Variants in DNAH8 observed in about 807,000 individuals in gnomAD.
DNAH8 encodes the protein dynein axonemal heavy chain 8.
In DNAH8, 382 loss-of-function variants were observed where a neutral mutation model predicts 562.1. The observed-to-expected ratio is 0.68, with a 90% confidence interval of 0.63 to 0.74. The LOEUF (loss-of-function observed/expected upper bound fraction) is 0.74. Ranked by LOEUF, DNAH8 falls within the 30% of genes least tolerant of loss-of-function variation. DNAH8 has a pLI of 0.00. For synonymous variants in DNAH8, 1,881 were observed against 1,919.4 expected, an observed-to-expected ratio of 0.98 and a Z score of 0.52; for missense variants, 5,203 against 5,620.4, an observed-to-expected ratio of 0.93 and a Z score of 2.37.
At chr6:38,846,618 T>A (rs1775319111) in intron 36 of DNAH8, among the ~76,000 whole-genome samples, 1 of 152,180 alleles carries the variant, frequency 6.6e-6, no homozygotes, top group Admixed American at 6.5e-5. Flanking sequence ...GTCAAGGTCC[T>A]CGGATGCATC....
Position 38,750,494 on chromosome 6 carries a change from G to A in DNAH8, c.1312G>A (p.Ala438Thr). The A allele has an allele frequency of 6.2e-7, 1 of 1,609,722 alleles. No individual in the cohort carries two copies. The highest frequency in any genetic ancestry group is 8.5e-7 in the Non-Finnish European group (1 of 1,177,740). Residue 438 changes from alanine (A) to threonine (T), a missense_variant, in exon 9 of 93, where the codon GCA (alanine) becomes ACA (threonine). Ala to Thr is a moderately conservative substitution (Grantham distance 58, BLOSUM62 0). Transcript: ENST00000327475. ...KLLKNWRDLD[A>T]RITDTANESK... Reference sequence around the variant, plus strand: ...TTCTTAGAATTGGCGTGATTTGGATGCAAGAATCACTGATACAGCAAATGA... The same window carrying A: ...TTCTTAGAATTGGCGTGATTTGGATACAAGAATCACTGATACAGCAAATGA...
At chr6:38,779,150 G>A (rs1047735663) in intron 14 of DNAH8, among the ~76,000 whole-genome samples, 1 of 152,170 alleles carries the variant, frequency 6.6e-6, no homozygotes, top group Non-Finnish European at 1.5e-5. Flanking sequence ...CACAGGGAGG[G>A]CTCAAGACCT....
Position 38,868,121 on chromosome 6 carries a change from A to G in DNAH8, c.6753A>G (p.Gln2251=), listed in dbSNP as rs147059338. 8.1e-6 allele frequency: 13 copies of G among 1,613,854 alleles called. No homozygotes were observed. The African/African-American group carries it at 1.7e-4, about 22-fold the overall frequency. The change falls in exon 48 of 93, where the codon CAA becomes CAG. Residue 2251 remains glutamine (Q), a synonymous_variant. Coordinates refer to ENST00000327475, the MANE Select transcript of DNAH8 (RefSeq NM_001206927.2). The part of the protein sequence containing the change: ...ILSVLRTLGS[Q]KRARPEDSEL... ...CTGTATTGAGGACTCTTGGATCTCAAAAAAGAGCCAGACCAGAAGATAGTG... is the reference window on the plus strand; with the variant it reads ...CTGTATTGAGGACTCTTGGATCTCAGAAAAGAGCCAGACCAGAAGATAGTG...
chr6:38,937,918 C>G, intron 77 of DNAH8, 56 bp from the exon 78 acceptor site: 1 of 1,557,880 alleles, frequency 6.4e-7, no homozygotes, highest in Non-Finnish European at 8.7e-7. Context: ...AGAGATGTAT[C>G]TTGCTTTGCA....
chr6:39,013,535 TAGA>T lies in DNAH8; in HGVS notation c.13714+901_13714+903del, dbSNP rs1267273891. Among the ~76,000 whole-genome samples the T allele has an allele frequency of 2.0e-5, 3 of 152,286 alleles. No individual in the cohort carries two copies. In the South Asian group the frequency reaches 6.2e-4, roughly 32 times the overall value. On this transcript the variant is annotated intron_variant, in intron 91 of 92. Coordinates refer to ENST00000327475, the MANE Select transcript of DNAH8 (RefSeq NM_001206927.2). ...GTGTTCAAAGTCAGGATAATGACTGTAGAAGGAGGGCAGTGATTAGAAAAAGGC... is the reference window on the plus strand; with the variant it reads ...GTGTTCAAAGTCAGGATAATGACTGTAGGAGGGCAGTGATTAGAAAAAGGC...
intron 26 of DNAH8, among the ~76,000 whole-genome samples, chr6:38,822,056 A>C (rs1772908796): frequency 6.6e-6 from 1 of 152,212 alleles, no homozygotes; most frequent in Non-Finnish European, 1.5e-5. Context: ...ACTGGCCGTC[A>C]AACAGCTAAA....
At chr6:38,945,314 C>T (rs1362497050) in intron 79 of DNAH8, among the ~76,000 whole-genome samples, 153 bp from the exon 80 acceptor site, 1 of 151,980 alleles carries the variant, frequency 6.6e-6, no homozygotes, top group Non-Finnish European at 1.5e-5. Context: ...GGAAATGTAC[C>T]AAAAAACCCT....
rs1282494098 is a variant in DNAH8, at chr6:38,715,948, A to ATTTTTT, written c.-35+534_-35+535insTTTTTT. ...TAAATATATATATATATATATATAT[A>ATTTTTT]TATATATATATATTTTTTTTTTTTT... is the stretch of plus-strand genomic sequence containing the variant. On this transcript the variant is annotated intron_variant, in intron 1 of 92. Transcript: ENST00000327475. Among the ~76,000 whole-genome samples the ATTTTTT allele has an allele frequency of 7.1e-5, 2 of 28,216 alleles. 1 individual carries two copies. The highest frequency in any genetic ancestry group is 4.2e-4 in the African/African-American group (2 of 4,796). The allele number at this position is 28,216 out of a possible 152,430, so 18.5% of individuals were successfully genotyped here.
intron 1 of DNAH8, 50 bp from the exon 2 acceptor site, chr6:38,722,726 A>G: frequency 7.1e-7 from 1 of 1,413,714 alleles, no homozygotes; most frequent in Non-Finnish European, 9.4e-7. Flanking sequence ...ATAAAAACGT[A>G]CAACACTCAA....
At position 38,938,065 on chromosome 6, in the gene DNAH8, A is replaced by G. The variant is rs145561539; in HGVS notation, c.11655A>G (p.Ala3885=). 2.5e-6 allele frequency: 4 copies of G among 1,614,106 alleles called. No homozygotes were observed. The highest frequency in any genetic ancestry group is 2.2e-5 in the South Asian group (2 of 91,068). The change falls in exon 78 of 93, where the codon GCA becomes GCG. Residue 3885 remains alanine, a synonymous_variant. Coordinates refer to ENST00000327475, the MANE Select transcript of DNAH8 (RefSeq NM_001206927.2). ...AEVSEKLHVA[A]ETEIKINAAQ... Reference sequence around the variant, plus strand: ...TAAGTGAAAAGTTGCATGTGGCTGCAGAAACTGAGATCAAGATCAACGCGG... The same window carrying G: ...TAAGTGAAAAGTTGCATGTGGCTGCGGAAACTGAGATCAAGATCAACGCGG...
chr6:38,984,033 G>T (rs1462747963), intron 86 of DNAH8, among the ~76,000 whole-genome samples, 173 bp from the exon 87 acceptor site: 1 of 152,078 alleles, frequency 6.6e-6, no homozygotes, highest in Non-Finnish European at 1.5e-5. Flanking sequence ...AAACTGTAGT[G>T]GTTCCAGCCA....
intron 58 of DNAH8, among the ~76,000 whole-genome samples, chr6:38,891,048 T>C (rs1203018400): frequency 6.6e-6 from 1 of 152,246 alleles, no homozygotes; most frequent in Non-Finnish European, 1.5e-5. Context: ...CTTGTTACTC[T>C]GATTTGTAAA....
At chr6:38,879,718 G>C (rs1221896999) in intron 53 of DNAH8, among the ~76,000 whole-genome samples, 1 of 139,610 alleles carries the variant, frequency 7.2e-6, no homozygotes, top group African/African-American at 2.5e-5. Context: ...GTTCTAGCCA[G>C]TGCAGTGGGG....
rs1770074320 is a variant in DNAH8 at position 38,794,811 on chromosome 6, T to A, written c.2901+3137T>A. Among the ~76,000 whole-genome samples, 2 of 152,210 alleles carry A rather than the reference T, an allele frequency of 1.3e-5. 1 individual carries two copies. Among genetic ancestry groups the A allele is most frequent in the South Asian group, 4.1e-4 (2 of 4,836 alleles). ...AGTACAGTTTATTTGTTCATTCTAC[T>A]CTTGAGGGCATTTAGATTGTTTATA... On this transcript the variant is annotated intron_variant, in intron 21 of 92. Transcript: ENST00000327475.
intron 62 of DNAH8, among the ~76,000 whole-genome samples, chr6:38,904,875 G>A (rs1780338395): frequency 2.0e-5 from 3 of 151,666 alleles, no homozygotes; most frequent in African/African-American, 4.9e-5. Flanking sequence ...GACACTTTCA[G>A]TGAAGTGGAT....
chr6:38,921,942 C>A (rs544526640), intron 71 of DNAH8, among the ~76,000 whole-genome samples: 1 of 151,270 alleles, frequency 6.6e-6, no homozygotes, highest in Non-Finnish European at 1.5e-5. Context: ...TGTTCTCTGG[C>A]GGGCAGGGGT....
In DNAH8 at chr6:38,722,828, G is replaced by T. The variant is rs766901959; in HGVS notation, c.19G>T (p.Asp7Tyr). Reference sequence around the variant, plus strand: ...ACGGGGGATGGAGAAGGATGCTGAAGATGGCGCCCCTTCTGAGGGAGCAGA... The same window carrying T: ...ACGGGGGATGGAGAAGGATGCTGAATATGGCGCCCCTTCTGAGGGAGCAGA... MEKDAE[D>Y]GAPSEGAEAP... Residue 7 changes from aspartate to tyrosine, a missense_variant, in exon 2 of 93, where the codon GAT (aspartate) becomes TAT (tyrosine). This residue lies in a region of DNAH8 where 556 missense variants were observed against 496.9 expected (regional missense o/e 1.12). Coordinates refer to ENST00000327475, the MANE Select transcript of DNAH8 (RefSeq NM_001206927.2). The T allele has an allele frequency of 6.3e-7, 1 of 1,595,072 alleles. No homozygotes were observed.
intron 91 of DNAH8, among the ~76,000 whole-genome samples, chr6:39,013,375 A>G (rs1261461665): frequency 6.6e-6 from 1 of 152,252 alleles, no homozygotes; most frequent in Non-Finnish European, 1.5e-5. Context: ...CAGATTTAGG[A>G]TGAATTATTG....
At chr6:38,985,771 G>T (rs943793867) in intron 87 of DNAH8, among the ~76,000 whole-genome samples, 7 of 152,334 alleles carry the variant, frequency 4.6e-5, no homozygotes, top group African/African-American at 1.7e-4. Flanking sequence ...TGGAAGCAGA[G>T]GTGGAGATTT....
Sources: allele counts gnomAD v4.1 joint callset (sites outside exome capture counted in the v4.1 genomes callset), GRCh38; gene constraint gnomAD v4.1.1; regional missense constraint gnomAD v4.1.1; transcripts MANE v1.5; gene names NCBI Gene and HGNC (gene_info 2026-07-23, HGNC 2026-07-21).